Variants in NRG1 observed in about 807,000 individuals in gnomAD.
The protein encoded by NRG1 is neuregulin 1.
A neutral mutation model predicts 63.8 loss-of-function variants in NRG1; 18 were observed. That is an observed-to-expected ratio of 0.28 (90% confidence interval 0.19 to 0.42). The LOEUF is 0.42. NRG1 is among the 10% of genes least tolerant of loss of function. The probability of loss-of-function intolerance (pLI) is 1.00; values close to 1 mark genes in which losing one functional copy is unlikely to be tolerated. For synonymous variants in NRG1, 302 were observed against 301.3 expected (o/e 1.00, Z -0.02); for missense variants, 762 against 814.7 (o/e 0.94, Z 0.79).
chr8:31,956,650 A>C (rs1804486595), intron 1 of NRG1, among the ~76,000 whole-genome samples: 2 of 152,262 alleles, frequency 1.3e-5, no homozygotes, highest in South Asian at 4.1e-4. Flanking sequence ...CTGTGAGCCA[A>C]GCGCTCTACT....
At chr8:31,668,377 C>T (rs1199492700) in intron 1 of NRG1, among the ~76,000 whole-genome samples, 1 of 152,158 alleles carries the variant, frequency 6.6e-6, no homozygotes, top group Non-Finnish European at 1.5e-5. Context: ...CTAAAGCAAA[C>T]TGGCCTTTAT....
At chr8:31,935,629 C>T (rs1281258075) in intron 1 of NRG1, among the ~76,000 whole-genome samples, 2 of 152,200 alleles carry the variant, frequency 1.3e-5, no homozygotes, top group Non-Finnish European at 2.9e-5. Context: ...AGTATCACAG[C>T]TAGTGCAGTG....
intron 1 of NRG1, among the ~76,000 whole-genome samples, chr8:32,567,536 G>GTGTTGCAGCCTGGTGGTCCAT (rs1290294862): frequency 5.9e-5 from 9 of 152,254 alleles, no homozygotes; most frequent in African/African-American, 2.2e-4. Context: ...GGCAGGGAGA[G>GTGTTGCAGCCTGGTGGTCCAT]TGTTGCAGCC....
chr8:32,111,521 A>G (rs529874855), intron 1 of NRG1, among the ~76,000 whole-genome samples: 3 of 151,962 alleles, frequency 2.0e-5, no homozygotes, highest in Non-Finnish European at 4.4e-5. Flanking sequence ...TCACATCTTC[A>G]TTTTGCTTGT....
intron 1 of NRG1, among the ~76,000 whole-genome samples, chr8:31,826,432 T>G (rs974651217): frequency 4.6e-5 from 7 of 152,214 alleles, no homozygotes; most frequent in Non-Finnish European, 8.8e-5. Flanking sequence ...CCCCTACACA[T>G]GCTCCCTCTT....
chr8:32,049,301 G>A (rs1330869192), intron 1 of NRG1, among the ~76,000 whole-genome samples: 3 of 152,122 alleles, frequency 2.0e-5, no homozygotes, highest in African/African-American at 7.2e-5. Context: ...TGAAAAATTT[G>A]TGACGTATGC....
rs144205999 is a variant in NRG1 at position 32,361,139 on chromosome 8, A to G, written c.38-234689A>G. ...TATAGTAAGGGGTTCTTCAAATGTA[A>G]TATCTGTTCTCAATTCCTCTTCTCT... On this transcript the variant is annotated intron_variant, in intron 1 of 10. Coordinates refer to the NRG1 transcript ENST00000519301. 2.3e-3 allele frequency among the ~76,000 whole-genome samples: 354 copies of G among 152,254 alleles called. 1 individual carries two copies. The highest frequency in any genetic ancestry group is 8.2e-3 in the African/African-American group (340 of 41,546).
intron 1 of NRG1, among the ~76,000 whole-genome samples, chr8:32,013,974 A>G (rs1815128055): frequency 6.6e-6 from 1 of 152,186 alleles, no homozygotes; most frequent in South Asian, 2.1e-4. Flanking sequence ...TGTGATGACA[A>G]CTATTACAGC....
At chr8:31,833,799 C>A (rs1188716759) in intron 1 of NRG1, among the ~76,000 whole-genome samples, 1 of 152,114 alleles carries the variant, frequency 6.6e-6, no homozygotes, top group East Asian at 1.9e-4. Flanking sequence ...GTGATAAAAT[C>A]ATCTTGCTCA....
intron 1 of NRG1, among the ~76,000 whole-genome samples, chr8:32,438,917 A>G (rs1819136772): frequency 6.6e-6 from 1 of 151,962 alleles, no homozygotes; most frequent in Non-Finnish European, 1.5e-5. Flanking sequence ...TTCTGTATAT[A>G]TTCTTGATAG....
intron 1 of NRG1, among the ~76,000 whole-genome samples, chr8:31,752,406 A>G (rs536733638): frequency 8.5e-5 from 13 of 152,170 alleles, no homozygotes; most frequent in South Asian, 2.1e-4. Flanking sequence ...CCTGCTTTAC[A>G]TTGTCACTGG....
At chr8:31,919,378 G>A (rs917491963) in intron 1 of NRG1, among the ~76,000 whole-genome samples, 1 of 146,828 alleles carries the variant, frequency 6.8e-6, no homozygotes, top group Non-Finnish European at 1.5e-5. Flanking sequence ...AGCAAGAAGG[G>A]GTTGTCATTC....
chr8:32,656,997 T>C (rs1431802029), intron 5 of NRG1, among the ~76,000 whole-genome samples: 1 of 152,064 alleles, frequency 6.6e-6, no homozygotes, highest in Non-Finnish European at 1.5e-5. Context: ...ATGAACTCTC[T>C]TTGAAGCCAG....
intron 1 of NRG1, among the ~76,000 whole-genome samples, chr8:31,941,508 C>G (rs941165714): frequency 6.6e-6 from 1 of 152,108 alleles, no homozygotes; most frequent in Non-Finnish European, 1.5e-5. Context: ...ACTTTCACCA[C>G]TTCTATTCAA....
chr8:32,280,935 AT>A (rs1852734365), intron 1 of NRG1, among the ~76,000 whole-genome samples: 1 of 148,274 alleles, frequency 6.7e-6, no homozygotes, highest in Admixed American at 6.7e-5. Flanking sequence ...AATTTTTTGT[AT>A]TTTTAGTAGA....
chr8:32,276,419 T>C (rs921548894), intron 1 of NRG1, among the ~76,000 whole-genome samples: 5 of 152,242 alleles, frequency 3.3e-5, no homozygotes, highest in African/African-American at 1.2e-4. Context: ...TGTGGATATG[T>C]ACCACATTTT....
chr8:31,860,166 C>G (rs149912904), intron 1 of NRG1, among the ~76,000 whole-genome samples: 5 of 152,274 alleles, frequency 3.3e-5, no homozygotes, highest in Admixed American at 6.5e-5. Flanking sequence ...AAAGCCAAAG[C>G]CATTCCTGGG....
At chr8:31,656,136 G>A (rs1012327874) in intron 1 of NRG1, among the ~76,000 whole-genome samples, 1 of 152,130 alleles carries the variant, frequency 6.6e-6, no homozygotes, top group Non-Finnish European at 1.5e-5. Flanking sequence ...AGGGAAGGTG[G>A]GAGAGTGTAA....
At chr8:31,672,901 A>T (rs551910251) in intron 1 of NRG1, among the ~76,000 whole-genome samples, 1 of 151,436 alleles carries the variant, frequency 6.6e-6, no homozygotes, top group Non-Finnish European at 1.5e-5. Context: ...TATATTTTAC[A>T]TTCCTTTGTG....
Sources: allele counts gnomAD v4.1 joint callset (sites outside exome capture counted in the v4.1 genomes callset), GRCh38; gene constraint gnomAD v4.1.1; transcripts MANE v1.5; gene names NCBI Gene and HGNC (gene_info 2026-07-23, HGNC 2026-07-21).